TMTC2: variants seen among roughly 807,000 people sequenced by gnomAD.
TMTC2 encodes protein O-mannosyl-transferase TMTC2.
TMTC2 carries 43 observed loss-of-function variants against 82.4 expected under a neutral mutation model. The ratio of observed to expected loss-of-function variants is 0.52; its 90% confidence interval spans 0.41 to 0.67. The LOEUF (loss-of-function observed/expected upper bound fraction) is 0.67. TMTC2 is among the 30% of genes least tolerant of loss of function. The probability of loss-of-function intolerance (pLI) is 0.00; values close to 1 mark genes in which losing one functional copy is unlikely to be tolerated. For synonymous variants in TMTC2, 408 were observed against 381.9 expected (o/e 1.07, Z -0.80); for missense variants, 919 against 1,012.4 (o/e 0.91, Z 1.25).
intron 1 of TMTC2, among the ~76,000 whole-genome samples, chr12:82,775,946 C>T (rs770159194): frequency 8.6e-5 from 13 of 151,824 alleles, no homozygotes; most frequent in Non-Finnish European, 1.8e-4. Context: ...TTGAGAGGAT[C>T]GTGTTCTTTC....
In TMTC2 at chr12:83,030,863, C is replaced by T; in HGVS notation, c.2136C>T (p.Asn712=). The part of the protein sequence containing the change: ...KAIELDPTKG[N]CYMHYGQFLL... ...TTGAGCTGGATCCCACCAAAGGAAA[C>T]TGTTACATGCATTATGGTGAGTGGT... Residue 712 remains asparagine (N), a synonymous_variant, in exon 9 of 12, where the codon AAC becomes AAT. Coordinates refer to ENST00000321196, the MANE Select transcript of TMTC2 (RefSeq NM_152588.3). The T allele has an allele frequency of 6.2e-7, 1 of 1,613,024 alleles. No homozygotes were observed. Among genetic ancestry groups the T allele is most frequent in the Non-Finnish European group, 8.5e-7 (1 of 1,179,056 alleles).
At chr12:82,914,332 T>C (rs1224552764) in intron 3 of TMTC2, among the ~76,000 whole-genome samples, 1 of 152,184 alleles carries the variant, frequency 6.6e-6, no homozygotes, top group Non-Finnish European at 1.5e-5. Context: ...TTAAAAAAAT[T>C]CTCTTTTCTC....
intron 4 of TMTC2, among the ~76,000 whole-genome samples, chr12:82,937,565 C>A (rs2137254589): frequency 6.6e-6 from 1 of 152,050 alleles, no homozygotes; most frequent in Admixed American, 6.5e-5. Context: ...TTCAACCCAT[C>A]ACATTTCCTT....
At chr12:82,811,129 G>A (rs1199310533) in intron 1 of TMTC2, among the ~76,000 whole-genome samples, 2 of 152,074 alleles carry the variant, frequency 1.3e-5, no homozygotes, top group African/African-American at 2.4e-5. Flanking sequence ...GGGAGGCTGA[G>A]GCAGGAGAAT....
chr12:82,706,470 A>C (rs1873363139), intron 1 of TMTC2, among the ~76,000 whole-genome samples: 1 of 152,164 alleles, frequency 6.6e-6, no homozygotes, highest in African/African-American at 2.4e-5. Flanking sequence ...GATAGGAGCC[A>C]GATCACCAAG....
intron 7 of TMTC2, 141 bp downstream of exon 7, chr12:82,967,138 A>T (rs530558589): frequency 1.5e-6 from 1 of 646,924 alleles, no homozygotes; most frequent in South Asian, 2.2e-5. Flanking sequence ...ATCATACTCA[A>T]ATTCTGACAG....
chr12:83,008,105 G>A (rs1181466216), intron 8 of TMTC2, among the ~76,000 whole-genome samples: 1 of 152,088 alleles, frequency 6.6e-6, no homozygotes, highest in Non-Finnish European at 1.5e-5. Context: ...AAAAGTAATT[G>A]CAGATTTGCC....
chr12:83,032,260 TATATATATATATATATA>T (rs1881465389), intron 9 of TMTC2, among the ~76,000 whole-genome samples: 3 of 7,646 alleles, frequency 3.9e-4, no homozygotes, highest in African/African-American at 7.0e-4. Context: ...GAATATTTTA[TATATATATATATATATA>T]TATATATATA....
At chr12:82,876,206 A>T (rs1872569643) in intron 2 of TMTC2, among the ~76,000 whole-genome samples, 1 of 137,140 alleles carries the variant, frequency 7.3e-6, no homozygotes, top group Non-Finnish European at 1.5e-5. Context: ...CACAGTGTTT[A>T]CCTTCCAGGT....
At chr12:82,738,065 A>G (rs905693531) in intron 1 of TMTC2, among the ~76,000 whole-genome samples, 1 of 152,148 alleles carries the variant, frequency 6.6e-6, no homozygotes, top group Admixed American at 6.5e-5. Context: ...TGGTATTTTT[A>G]TTGTTGTCTC....
At chr12:83,064,768 G>A (rs927646528) in intron 11 of TMTC2, among the ~76,000 whole-genome samples, 13 of 151,864 alleles carry the variant, frequency 8.6e-5, no homozygotes, top group African/African-American at 2.9e-4. Context: ...TGATTTATTA[G>A]CAATGACACA....
At chr12:82,937,736 G>GTGTGGA (rs1555199177) in intron 4 of TMTC2, among the ~76,000 whole-genome samples, 1 of 12,900 alleles carries the variant, frequency 7.8e-5, no homozygotes, top group African/African-American at 1.6e-4. Context: ...GTGGATGTGT[G>GTGTGGA]TGTGTGTGTG....
intron 11 of TMTC2, among the ~76,000 whole-genome samples, chr12:83,063,281 C>T (rs966312121): frequency 3.4e-5 from 4 of 116,094 alleles, no homozygotes; most frequent in Non-Finnish European, 7.1e-5. Context: ...AATAACCCTC[C>T]TTCTTCTGCA....
chr12:82,969,458 C>T (rs985260244), intron 7 of TMTC2, among the ~76,000 whole-genome samples: 2 of 151,758 alleles, frequency 1.3e-5, no homozygotes, highest in Admixed American at 6.6e-5. Context: ...AAGGAGTGTG[C>T]GTGAAAAAAT....
intron 7 of TMTC2, among the ~76,000 whole-genome samples, chr12:82,982,206 T>C (rs954821929): frequency 6.6e-6 from 1 of 151,858 alleles, no homozygotes; most frequent in East Asian, 1.9e-4. Flanking sequence ...AGCCATTTAA[T>C]CATTTTTGGA....
intron 1 of TMTC2, among the ~76,000 whole-genome samples, chr12:82,758,206 A>G (rs1876440516): frequency 6.6e-6 from 1 of 152,150 alleles, no homozygotes; most frequent in Admixed American, 6.5e-5. Context: ...AGTTTTTTAA[A>G]AAGTAGTTTT....
chr12:83,077,576 TTTTTA>T (rs1034746396), intron 11 of TMTC2, among the ~76,000 whole-genome samples: 1 of 151,632 alleles, frequency 6.6e-6, no homozygotes, highest in Non-Finnish European at 1.5e-5. Flanking sequence ...TGTGTCTTTT[TTTTTA>T]TTTTATTTTT....
intron 1 of TMTC2, among the ~76,000 whole-genome samples, chr12:82,734,924 A>G (rs1185134233): frequency 6.6e-6 from 1 of 152,222 alleles, no homozygotes; most frequent in Non-Finnish European, 1.5e-5. Flanking sequence ...AGAAATAATA[A>G]TGAAAGGGTC....
chr12:82,941,679 A>G lies in TMTC2; in HGVS notation c.1598+11134A>G, dbSNP rs141102489. On this transcript the variant is annotated intron_variant, in intron 4 of 11. Coordinates refer to ENST00000321196, the MANE Select transcript of TMTC2 (RefSeq NM_152588.3). Reference sequence around the variant, plus strand: ...GAAACAATCATTGTCCACAAAGCATAAAAGCAGTAAAATTCCCTCCCTGAG... The same window carrying G: ...GAAACAATCATTGTCCACAAAGCATGAAAGCAGTAAAATTCCCTCCCTGAG... Among the ~76,000 whole-genome samples, 649 of 152,332 alleles carry G rather than the reference A, an allele frequency of 4.3e-3. 6 individuals are homozygous for G. Among genetic ancestry groups the G allele is most frequent in the African/African-American group, 0.015 (622 of 41,576 alleles).
Sources: allele counts gnomAD v4.1 joint callset (sites outside exome capture counted in the v4.1 genomes callset), GRCh38; gene constraint gnomAD v4.1.1; transcripts MANE v1.5; gene names NCBI Gene and HGNC (gene_info 2026-07-23, HGNC 2026-07-21).